Variants in ABTB2 observed in about 807,000 individuals in gnomAD.
ABTB2 encodes ankyrin repeat and BTB domain containing 2, also known as ankyrin repeat and BTB/POZ domain-containing protein 2.
Under a neutral mutation model 104.1 loss-of-function variants are expected in ABTB2, and 56 were observed. That is an observed-to-expected ratio of 0.54 (90% confidence interval 0.43 to 0.67). ABTB2 has a LOEUF of 0.67. ABTB2 is among the 30% of genes least tolerant of loss of function. The pLI is 0.00. For missense variants in ABTB2, 1,279 were observed against 1,407.7 expected, an observed-to-expected ratio of 0.91 and a Z score of 1.46; for synonymous variants, 606 against 608.2, an observed-to-expected ratio of 1.00 and a Z score of 0.05.
intron 3 of ABTB2, among the ~76,000 whole-genome samples, chr11:34,189,870 C>T (rs1232575406): frequency 6.6e-6 from 1 of 152,166 alleles, no homozygotes; most frequent in Non-Finnish European, 1.5e-5. Flanking sequence ...AGGCACTATG[C>T]TAAGTGCCTT....
intron 1 of ABTB2, among the ~76,000 whole-genome samples, chr11:34,316,157 C>T (rs745470284): frequency 4.6e-5 from 7 of 152,192 alleles, no homozygotes; most frequent in East Asian, 1.9e-4. Context: ...CCAGACACCC[C>T]GTCCCTGGGC....
intron 1 of ABTB2, among the ~76,000 whole-genome samples, chr11:34,236,790 T>C (rs16925351): frequency 4.1e-4 from 63 of 152,336 alleles, no homozygotes; most frequent in African/African-American, 1.4e-3. Context: ...TGCTCGCTCC[T>C]AGATAGATTA....
chr11:34,154,117 C>T lies in ABTB2; in HGVS notation c.2880+148G>A. 3.1e-6 allele frequency: 2 copies of T among 636,368 alleles called. No individual in the cohort carries two copies. Among genetic ancestry groups the T allele is most frequent in the Non-Finnish European group, 5.7e-6 (2 of 350,824 alleles). The allele number at this position is 636,368 out of a possible 1,614,324, so 39.4% of individuals were successfully genotyped here. ...TGACCCCAGGCAACACAGGGAGTTG[C>T]TAACCCTCCCTCAGCCTCTACACTG... On this transcript the variant is annotated intron_variant, in intron 16 of 16. Coordinates refer to ENST00000435224, the MANE Select transcript of ABTB2 (RefSeq NM_145804.3). This position sits in a 1 kb window ranked among gnomAD's most constrained non-coding sequence, Gnocchi z 4.9.
Position 34,357,722 on chromosome 11 carries a change from A to C in ABTB2, c.-139T>G. 9.9e-7 allele frequency: 1 copy of C among 1,006,486 alleles called. No individual in the cohort carries two copies. Among genetic ancestry groups the C allele is most frequent in the Non-Finnish European group, 1.3e-6 (1 of 746,656 alleles). The allele number at this position is 1,006,486 out of a possible 1,614,324, so 62.3% of individuals were successfully genotyped here. On this transcript the variant is annotated 5_prime_UTR_variant, in exon 1 of 17. It removes an upstream start codon present in the reference 5' UTR. Coordinates refer to ENST00000435224, the MANE Select transcript of ABTB2 (RefSeq NM_145804.3). The stretch of plus-strand genomic sequence containing the variant: ...CTGCGTCGCGGGGCTCGGCGGCCGC[A>C]TTGCCTGCCCGGAGGCCGCGGGAAG...
rs1305966533 is a variant in ABTB2 at position 34,159,473 on chromosome 11, C to A, written c.2607-87G>T. 6.9e-6 allele frequency: 6 copies of A among 867,338 alleles called. No individual in the cohort carries two copies. The East Asian group carries it at 1.5e-4, about 21-fold the overall frequency. The allele number at this position is 867,338 out of a possible 1,614,324, so 53.7% of individuals were successfully genotyped here. On this transcript the variant is annotated intron_variant, in intron 13 of 16. Coordinates refer to ENST00000435224, the MANE Select transcript of ABTB2 (RefSeq NM_145804.3). ...ATGGCACCATCTGTCACCTGACCGG[C>A]TACCACAAGACGGAACATTTTAAAA...
In ABTB2 at chr11:34,215,742, C is replaced by T. The variant is rs1853542656; in HGVS notation, c.884-11052G>A. Reference sequence around the variant, plus strand: ...CATTAAAACAGGTTTTGTAAATAAGCACTTAGCAAAAGGCTTGGCACACAG... The same window carrying T: ...CATTAAAACAGGTTTTGTAAATAAGTACTTAGCAAAAGGCTTGGCACACAG... On this transcript the variant is annotated intron_variant, in intron 1 of 16. Coordinates refer to ENST00000435224, the MANE Select transcript of ABTB2 (RefSeq NM_145804.3). Among the ~76,000 whole-genome samples the T allele has an allele frequency of 2.0e-5, 3 of 152,134 alleles. No homozygotes were observed. In the South Asian group the frequency reaches 6.2e-4, roughly 32 times the overall value.
intron 1 of ABTB2, among the ~76,000 whole-genome samples, chr11:34,217,852 T>C (rs1373463221): frequency 6.6e-6 from 1 of 152,248 alleles, no homozygotes; most frequent in Non-Finnish European, 1.5e-5. Context: ...ACTAAGGAAC[T>C]GCCAAATTGT....
At chr11:34,332,212 T>C (rs1401301960) in intron 1 of ABTB2, among the ~76,000 whole-genome samples, 2 of 152,218 alleles carry the variant, frequency 1.3e-5, no homozygotes, top group Non-Finnish European at 2.9e-5. Context: ...TGTAAATGCA[T>C]GTGATGTGGC....
At chr11:34,278,153 A>G (rs1328143803) in intron 1 of ABTB2, among the ~76,000 whole-genome samples, 2 of 152,034 alleles carry the variant, frequency 1.3e-5, no homozygotes, top group Admixed American at 6.6e-5. Context: ...AACTTTTGCA[A>G]TCTACAGAAG....
intron 1 of ABTB2, chr11:34,242,513 T>C (rs1369993886): frequency 6.6e-6 from 1 of 152,324 alleles, no homozygotes; most frequent in Non-Finnish European, 1.5e-5. Flanking sequence ...ACCACCCCAC[T>C]GAGCTGAGTG....
intron 1 of ABTB2, among the ~76,000 whole-genome samples, chr11:34,270,542 G>C (rs1854301854): frequency 6.6e-6 from 1 of 152,156 alleles, no homozygotes; most frequent in Non-Finnish European, 1.5e-5. Flanking sequence ...GTTTCACCAT[G>C]TTGGCCAGGC....
In ABTB2 at chr11:34,308,888, G is replaced by GAA. The variant is rs1854814416; in HGVS notation, c.883+47811_883+47812dup. On this transcript the variant is annotated intron_variant, in intron 1 of 16. Transcript: ENST00000435224. ...TGTCTCAAAAAAAAAAAAAAAAAAA[G>GAA]AAAAGAGAAAGAAAGAAAAGCAAAG... Among the ~76,000 whole-genome samples the GAA allele has an allele frequency of 5.6e-5, 5 of 88,508 alleles. 1 individual carries two copies. The South Asian group carries it at 1.4e-3, about 24-fold the overall frequency. 58.1% of individuals were successfully genotyped at this position (88,508 alleles called of 152,430 possible). A position where few individuals can be genotyped will look rare whatever the true frequency, so the allele number is the denominator to read the frequency against.
chr11:34,178,378 A>G (rs7124122), intron 3 of ABTB2, among the ~76,000 whole-genome samples: 77,874 of 152,092 alleles, frequency 0.51, 20,592 homozygotes, highest in East Asian at 0.91. Flanking sequence ...TTCCTTCCTG[A>G]TAATTCCATG....
In ABTB2 at chr11:34,350,460, T is replaced by C. The variant is rs150541649; in HGVS notation, c.883+6241A>G. Among the ~76,000 whole-genome samples the C allele has an allele frequency of 5.1e-3, 778 of 152,342 alleles. 5 individuals are homozygous for C. The highest frequency in any genetic ancestry group is 0.027 in the Middle Eastern group (8 of 294). On this transcript the variant is annotated intron_variant, in intron 1 of 16. Transcript: ENST00000435224. ...ATTGGTCACCAGCAGGTGACACTTATAAAGGCCCTCCCTGGGCAGCAGAGC... is the reference window on the plus strand; with the variant it reads ...ATTGGTCACCAGCAGGTGACACTTACAAAGGCCCTCCCTGGGCAGCAGAGC...
intron 1 of ABTB2, among the ~76,000 whole-genome samples, chr11:34,324,712 C>A (rs1457831029): frequency 6.6e-6 from 1 of 152,224 alleles, no homozygotes; most frequent in African/African-American, 2.4e-5. Flanking sequence ...AGTAGAGGCT[C>A]CCCTTTGGGG....
intron 1 of ABTB2, among the ~76,000 whole-genome samples, chr11:34,328,551 C>T (rs756780358): frequency 2.0e-5 from 3 of 152,176 alleles, no homozygotes; most frequent in Non-Finnish European, 4.4e-5. Context: ...TGTACCTGAG[C>T]TAGTAACTGC....
intron 1 of ABTB2, among the ~76,000 whole-genome samples, chr11:34,273,592 G>C (rs910419510): frequency 6.6e-6 from 1 of 152,138 alleles, no homozygotes; most frequent in African/African-American, 2.4e-5. Flanking sequence ...TCATGGCTGA[G>C]TAACACTGGC....
intron 1 of ABTB2, among the ~76,000 whole-genome samples, chr11:34,334,740 T>C (rs1444965795): frequency 2.0e-5 from 3 of 150,320 alleles, no homozygotes; most frequent in Admixed American, 1.3e-4. Flanking sequence ...GCCTGTAATG[T>C]ACTCCTTCAG....
chr11:34,320,079 G>C (rs1854983106), intron 1 of ABTB2, among the ~76,000 whole-genome samples: 1 of 152,162 alleles, frequency 6.6e-6, no homozygotes, highest in East Asian at 1.9e-4. Flanking sequence ...ATTAAAATGA[G>C]CTAGTGAGTA....
Sources: allele counts gnomAD v4.1 joint callset (sites outside exome capture counted in the v4.1 genomes callset), GRCh38; gene constraint gnomAD v4.1.1; non-coding constraint Gnocchi (gnomAD v3.1); transcripts MANE v1.5; gene names NCBI Gene and HGNC (gene_info 2026-07-23, HGNC 2026-07-21).